ARHGAP44: variants seen among roughly 807,000 people sequenced by gnomAD.
The protein encoded by ARHGAP44 is Rho GTPase activating protein 44.
Under a neutral mutation model 106.8 loss-of-function variants are expected in ARHGAP44, and 43 were observed. The observed-to-expected ratio is 0.40, with a 90% CI of 0.32 to 0.52. The LOEUF (loss-of-function observed/expected upper bound fraction) is 0.52, where lower values mean the gene tolerates loss of function less well. ARHGAP44 is among the 20% of genes least tolerant of loss of function. The probability of loss-of-function intolerance (pLI) is 0.48; values close to 1 mark genes in which losing one functional copy is unlikely to be tolerated. For missense variants in ARHGAP44, 866 were observed against 1,050.5 expected, an observed-to-expected ratio of 0.82 and a Z score of 2.43; for synonymous variants, 439 against 410.3, an observed-to-expected ratio of 1.07 and a Z score of -0.85.
chr17:12,804,367 A>G (rs889524486), intron 1 of ARHGAP44, among the ~76,000 whole-genome samples: 1 of 152,214 alleles, frequency 6.6e-6, no homozygotes, highest in Non-Finnish European at 1.5e-5. Flanking sequence ...AAGTAGGATT[A>G]TGATGACTGG....
chr17:12,959,051 G>A lies in ARHGAP44; in HGVS notation c.1523+154G>A, dbSNP rs535712119. ...CAATTAAACTGTATCTGCTGTGTCTGGGATGAGTTTCTTTGGCTTGCCGCC... is the reference window on the plus strand; with the variant it reads ...CAATTAAACTGTATCTGCTGTGTCTAGGATGAGTTTCTTTGGCTTGCCGCC... On this transcript the variant is annotated intron_variant, in intron 16 of 20. Transcript: ENST00000379672. 7.5e-5 allele frequency: 70 copies of A among 931,526 alleles called. No homozygotes were observed. The South Asian group carries it at 1.1e-3, about 14-fold the overall frequency. 57.7% of individuals were successfully genotyped at this position (931,526 alleles called of 1,614,324 possible). A position where few individuals can be genotyped will look rare whatever the true frequency, so the allele number is the denominator to read the frequency against.
At chr17:12,859,350 T>TAAA (rs1469950587) in intron 1 of ARHGAP44, among the ~76,000 whole-genome samples, 1 of 152,190 alleles carries the variant, frequency 6.6e-6, no homozygotes, top group Admixed American at 6.5e-5. Flanking sequence ...AAATTTCTGT[T>TAAA]ATTTAAGCCA....
Position 12,970,324 on chromosome 17 carries a change from T to C in ARHGAP44, c.1524-2978T>C, listed in dbSNP as rs1340829222. Among the ~76,000 whole-genome samples the C allele has an allele frequency of 2.2e-5, 3 of 138,850 alleles. 1 individual carries two copies. The highest frequency in any genetic ancestry group is 3.0e-5 in the Non-Finnish European group (2 of 66,242). The allele number at this position is 138,850 out of a possible 152,430, so 91.1% of individuals were successfully genotyped here. ...GGGGCTGCAGTGAGCCATGATTATG[T>C]CACTGCAGTCCAGCCTGGGCGACAG... is the stretch of plus-strand genomic sequence containing the variant. On this transcript the variant is annotated intron_variant, in intron 16 of 20. Coordinates refer to ENST00000379672, the MANE Select transcript of ARHGAP44 (RefSeq NM_014859.6).
At position 12,990,860 on chromosome 17, in the gene ARHGAP44, T is replaced by C. The variant is rs536570446; in HGVS notation, c.*689T>C. The C allele has an allele frequency of 6.6e-6, 1 of 152,280 alleles. No individual in the cohort carries two copies. The highest frequency in any genetic ancestry group is 1.5e-5 in the Non-Finnish European group (1 of 68,040). The allele number at this position is 152,280 out of a possible 1,614,324, so 9.4% of individuals were successfully genotyped here. On this transcript the variant is annotated 3_prime_UTR_variant, in exon 21 of 21. Coordinates refer to ENST00000379672, the MANE Select transcript of ARHGAP44 (RefSeq NM_014859.6). ...ATATCATTTTATATTTCTGAATCTA[T>C]AAAACAAAACAAACAAGCCTGACAG...
chr17:12,860,136 C>T (rs1196576161), intron 1 of ARHGAP44, among the ~76,000 whole-genome samples: 4 of 152,116 alleles, frequency 2.6e-5, no homozygotes, highest in Non-Finnish European at 5.9e-5. Context: ...TTAATTAATC[C>T]TGGGAGGGGC....
chr17:12,873,444 A>G (rs1567661357), intron 1 of ARHGAP44, among the ~76,000 whole-genome samples: 1 of 152,244 alleles, frequency 6.6e-6, no homozygotes, highest in Admixed American at 6.5e-5. Flanking sequence ...GGAGAAGTCA[A>G]TAATTGCTCT....
chr17:12,869,778 T>C (rs1262801030), intron 1 of ARHGAP44, among the ~76,000 whole-genome samples: 3 of 143,950 alleles, frequency 2.1e-5, no homozygotes, highest in Non-Finnish European at 3.0e-5. Context: ...TTTCTCTGCA[T>C]ATACATATAT....
At chr17:12,812,215 G>C (rs542660426) in intron 1 of ARHGAP44, among the ~76,000 whole-genome samples, 2 of 152,272 alleles carry the variant, frequency 1.3e-5, no homozygotes, top group East Asian at 1.9e-4. Context: ...GATATTTGAG[G>C]CTGGTTTTTA....
rs537185551 is a variant in ARHGAP44 at position 12,863,542 on chromosome 17, G to A, written c.54-31398G>A. Among the ~76,000 whole-genome samples the A allele has an allele frequency of 2.0e-5, 3 of 152,202 alleles. No homozygotes were observed. The East Asian group carries it at 5.8e-4, about 30-fold the overall frequency. On this transcript the variant is annotated intron_variant, in intron 1 of 20. Transcript: ENST00000379672. ...TTTCCTCCCATTTTACCTCTCACAAGTGGATAGTTCTAGAATCTTTTTAAA... is the reference window on the plus strand; with the variant it reads ...TTTCCTCCCATTTTACCTCTCACAAATGGATAGTTCTAGAATCTTTTTAAA...
At chr17:12,963,062 A>G (rs910403884) in intron 16 of ARHGAP44, among the ~76,000 whole-genome samples, 1 of 151,698 alleles carries the variant, frequency 6.6e-6, no homozygotes, top group Non-Finnish European at 1.5e-5. Context: ...AAAAAAAAAA[A>G]AAAAAAAAGC....
At chr17:12,845,335 C>A (rs936491477) in intron 1 of ARHGAP44, among the ~76,000 whole-genome samples, 1 of 151,882 alleles carries the variant, frequency 6.6e-6, no homozygotes, top group Admixed American at 6.6e-5. Flanking sequence ...TGGTGAAACC[C>A]CATCTCTACT....
intron 16 of ARHGAP44, among the ~76,000 whole-genome samples, chr17:12,966,224 A>C (rs1459947761): frequency 6.6e-6 from 1 of 152,030 alleles, no homozygotes; most frequent in Non-Finnish European, 1.5e-5. Context: ...TTTACTTCAG[A>C]GCTTGAACCT....
intron 8 of ARHGAP44, among the ~76,000 whole-genome samples, chr17:12,943,337 C>T (rs2038755758): frequency 6.6e-6 from 1 of 152,230 alleles, no homozygotes; most frequent in Non-Finnish European, 1.5e-5. Flanking sequence ...CTCTAAGCCA[C>T]GTTCCAGCTC....
At chr17:12,854,651 G>A (rs906004884) in intron 1 of ARHGAP44, among the ~76,000 whole-genome samples, 5 of 152,072 alleles carry the variant, frequency 3.3e-5, no homozygotes, top group African/African-American at 9.7e-5. Context: ...ATATGAACCC[G>A]TTATGCCAAA....
At chr17:12,846,507 A>G (rs530568700) in intron 1 of ARHGAP44, among the ~76,000 whole-genome samples, 1 of 152,364 alleles carries the variant, frequency 6.6e-6, no homozygotes, top group South Asian at 2.1e-4. Context: ...GCTTTTTAAA[A>G]TGATTGTGTC....
intron 4 of ARHGAP44, among the ~76,000 whole-genome samples, chr17:12,910,208 T>C (rs1423071262): frequency 1.3e-5 from 2 of 150,186 alleles, no homozygotes; most frequent in Non-Finnish European, 1.5e-5. Flanking sequence ...AGAAGAAAGA[T>C]GAGAAGTACA....
intron 1 of ARHGAP44, among the ~76,000 whole-genome samples, chr17:12,829,683 A>G (rs879289986): frequency 2.0e-5 from 3 of 151,862 alleles, no homozygotes; most frequent in Non-Finnish European, 4.4e-5. Context: ...AGGCTTTTTC[A>G]CTACTCTTTT....
intron 16 of ARHGAP44, among the ~76,000 whole-genome samples, chr17:12,972,508 T>A (rs9911971): frequency 6.6e-6 from 1 of 150,884 alleles, no homozygotes; most frequent in African/African-American, 2.4e-5. Flanking sequence ...ATTAGCTGGG[T>A]GTGGTGGCGG....
At chr17:12,989,117 A>AAAAAAAAAC (rs2040040354) in intron 20 of ARHGAP44, among the ~76,000 whole-genome samples, 1 of 148,182 alleles carries the variant, frequency 6.7e-6, no homozygotes, top group Admixed American at 6.7e-5. Flanking sequence ...AAAAAAAAAA[A>AAAAAAAAAC]AAAAAAAACT....
Sources: gnomAD v4.1 joint callset for allele counts (sites outside exome capture counted in the v4.1 genomes callset) on GRCh38, gnomAD v4.1.1 for gene constraint, MANE v1.5 for transcripts, NCBI Gene and HGNC (gene_info 2026-07-23, HGNC 2026-07-21) for gene names.